The following SARDH variants were observed in gnomAD, a reference collection of about 807,000 sequenced individuals.
SARDH encodes the protein sarcosine dehydrogenase.
A neutral mutation model predicts 109.1 loss-of-function variants in SARDH; 95 were observed. The observed-to-expected ratio is 0.87, with a 90% confidence interval of 0.74 to 1.03. The LOEUF (loss-of-function observed/expected upper bound fraction) is 1.03, where lower values mean the gene tolerates loss of function less well. Among genes scored for constraint, SARDH ranks in the 50% least tolerant of loss-of-function variants. SARDH has a pLI of 0.00. For missense variants in SARDH, 1,267 were observed against 1,287.8 expected, an observed-to-expected ratio of 0.98 and a Z score of 0.25; for synonymous variants, 572 against 534.8, an observed-to-expected ratio of 1.07 and a Z score of -0.96.
At chr9:133,669,031 CACCT>C (rs1830221401) in intron 19 of SARDH, among the ~76,000 whole-genome samples, 1 of 7,188 alleles carries the variant, frequency 1.4e-4, no homozygotes. Flanking sequence ...CCCTCTCCCT[CACCT>C]TCCCTCTCCC....
In SARDH at chr9:133,696,330, G is replaced by A. The variant is rs752960619; in HGVS notation, c.1700C>T (p.Ala567Val). Residue 567 changes from alanine to valine, a missense_variant, in exon 14 of 21, where the codon GCC becomes GTC. Physicochemically the swap from Ala to Val is moderately conservative, Grantham distance 64. Transcript: ENST00000439388. The part of the protein sequence containing the change: ...IKKECLACRG[A>V]AAVFDMSYFG... The stretch of plus-strand genomic sequence containing the variant: ...GTAGGACATGTCAAACACAGCGGCG[G>A]CCCCTCTGCAGGCCAGGCACTCCTT... The A allele has an allele frequency of 1.9e-6, 3 of 1,614,144 alleles. No homozygotes were observed. The highest frequency in any genetic ancestry group is 2.5e-6 in the Non-Finnish European group (3 of 1,180,042).
chr9:133,703,148 C>T (rs912522161), intron 12 of SARDH, 119 bp from the exon 13 acceptor site: 1 of 845,764 alleles, frequency 1.2e-6, no homozygotes, highest in Non-Finnish European at 1.9e-6. Flanking sequence ...CTCGGAGAGC[C>T]CTGCACTGAG....
chr9:133,694,432 C>G, intron 14 of SARDH, 61 bp from the exon 15 acceptor site: 1 of 1,363,096 alleles, frequency 7.3e-7, no homozygotes, highest in African/African-American at 1.4e-5. Context: ...TGTGCTGCCT[C>G]AGTTTCCCCA....
chr9:133,694,648 C>T (rs1588413919), intron 14 of SARDH, among the ~76,000 whole-genome samples: 1 of 152,262 alleles, frequency 6.6e-6, no homozygotes, highest in South Asian at 2.1e-4. Flanking sequence ...TGCCTTGGCA[C>T]TGGCCCCTCC....
At chr9:133,689,696 C>T (rs1831022506) in intron 16 of SARDH, among the ~76,000 whole-genome samples, 1 of 152,032 alleles carries the variant, frequency 6.6e-6, no homozygotes, top group South Asian at 2.1e-4. Context: ...ACAGGTGCTC[C>T]ACTGGTGGCT....
intron 8 of SARDH, among the ~76,000 whole-genome samples, chr9:133,715,709 C>T (rs542256189): frequency 2.6e-5 from 4 of 152,284 alleles, no homozygotes; most frequent in Non-Finnish European, 4.4e-5. Flanking sequence ...CTGGGCTCCC[C>T]GCTTTGTGCC....
intron 13 of SARDH, among the ~76,000 whole-genome samples, chr9:133,699,711 G>A (rs1384065890): frequency 6.6e-6 from 1 of 152,148 alleles, no homozygotes; most frequent in Non-Finnish European, 1.5e-5. Context: ...GAATCAAAAA[G>A]TCAGATAATA....
At chr9:133,672,072 T>C (rs969110386) in intron 17 of SARDH, among the ~76,000 whole-genome samples, 1 of 152,182 alleles carries the variant, frequency 6.6e-6, no homozygotes, top group African/African-American at 2.4e-5. Flanking sequence ...AAAATCACCA[T>C]GTGGGCAAGC....
At chr9:133,731,261 G>T (rs1481538678) in intron 4 of SARDH, 44 bp downstream of exon 4, 1 of 1,605,404 alleles carries the variant, frequency 6.2e-7, no homozygotes, top group Non-Finnish European at 8.5e-7. Context: ...GGCAGGAGGA[G>T]TGGGCTGGGA....
Position 133,663,589 on chromosome 9 carries a change from TA to T in SARDH, c.*299del, listed in dbSNP as rs1829955009. 5 of 402,806 alleles carry T rather than the reference TA, an allele frequency of 1.2e-5. No individual in the cohort carries two copies. The highest frequency in any genetic ancestry group is 1.8e-5 in the Non-Finnish European group (4 of 224,256). The allele number at this position is 402,806 out of a possible 1,614,324, so 25.0% of individuals were successfully genotyped here. ...CACGTGGGGCTTATCAAGTATTTAC[TA>T]AGCACCTTCTAGAAGCTTGGAAAGG... On this transcript the variant is annotated 3_prime_UTR_variant, in exon 21 of 21. Coordinates refer to ENST00000439388, the MANE Select transcript of SARDH (RefSeq NM_001134707.2).
At position 133,725,314 on chromosome 9, in the gene SARDH, C is replaced by G. The variant is rs545300292; in HGVS notation, c.915+4451G>C. 10 of 206,306 alleles carry G rather than the reference C, an allele frequency of 4.8e-5. No individual in the cohort carries two copies. In the South Asian group the frequency reaches 6.6e-4, roughly 14 times the overall value. The allele number at this position is 206,306 out of a possible 1,614,324, so 12.8% of individuals were successfully genotyped here. ...TACAAAAGAAACTGAGCAGCTGGGA[C>G]AAAAACTGTTAATAACTCCAAGAAA... On this transcript the variant is annotated intron_variant, in intron 6 of 20. Coordinates refer to ENST00000439388, the MANE Select transcript of SARDH (RefSeq NM_001134707.2).
chr9:133,696,973 GAAAT>G (rs1474220669), intron 13 of SARDH, among the ~76,000 whole-genome samples: 2 of 152,032 alleles, frequency 1.3e-5, no homozygotes, highest in African/African-American at 4.8e-5. Context: ...TGTTAGAACA[GAAAT>G]AAGAATCGAA....
rs930319283 is a variant in SARDH, at chr9:133,671,695, G to C, written c.2166C>G (p.Val722=). 6.4e-7 allele frequency: 1 copy of C among 1,567,636 alleles called. No homozygotes were observed. Among genetic ancestry groups the C allele is most frequent in the South Asian group, 1.2e-5 (1 of 85,430 alleles). Residue 722 remains valine, a splice_region_variant and synonymous_variant, in exon 18 of 21, where the codon GTC becomes GTG. Transcript: ENST00000439388. ...CCACAAAGGACAGCCGCATGGCTCGGACCTGGGGGACAAGGTCATGGCTTA... is the reference window on the plus strand; with the variant it reads ...CCACAAAGGACAGCCGCATGGCTCGCACCTGGGGGACAAGGTCATGGCTTA... ...HKLLRAAGHL[V]RAMRLSFVGE...
At chr9:133,667,034 C>CTG in intron 19 of SARDH, 164 bp from the exon 20 acceptor site, 1 of 858,532 alleles carries the variant, frequency 1.2e-6, no homozygotes, top group Non-Finnish European at 1.8e-6. Context: ...AGAGCCAGCC[C>CTG]AGCACCTGGC....
intron 15 of SARDH, among the ~76,000 whole-genome samples, 157 bp downstream of exon 15, chr9:133,694,101 G>A (rs1267004613): frequency 6.6e-6 from 1 of 152,190 alleles, no homozygotes; most frequent in Non-Finnish European, 1.5e-5. Flanking sequence ...AGCCTGAAAC[G>A]AGACCTCTAA....
downstream of SARDH, among the ~76,000 whole-genome samples, chr9:133,662,036 T>C (rs533992593): frequency 1.3e-5 from 2 of 151,868 alleles, no homozygotes; most frequent in Admixed American, 6.6e-5. The surrounding 1 kb of genome is among the most constrained non-coding windows in gnomAD (Gnocchi z 5.1). Flanking sequence ...AGCCCGCAGG[T>C]GATGAGCTTG....
chr9:133,667,064 C>T (rs906466958), intron 19 of SARDH, 194 bp from the exon 20 acceptor site: 10 of 654,874 alleles, frequency 1.5e-5, no homozygotes, highest in African/African-American at 1.5e-4. Flanking sequence ...AGGGCTCGGG[C>T]TTCGAGTGAG....
intron 16 of SARDH, among the ~76,000 whole-genome samples, chr9:133,687,446 T>A (rs549155751): frequency 2.4e-4 from 36 of 151,968 alleles, no homozygotes; most frequent in African/African-American, 8.2e-4. Flanking sequence ...AATTGAAAAA[T>A]TTTTTTGTTG....
At chr9:133,720,692 A>G (rs188027385) in intron 6 of SARDH, among the ~76,000 whole-genome samples, 2 of 152,280 alleles carry the variant, frequency 1.3e-5, no homozygotes, top group East Asian at 3.9e-4. Flanking sequence ...TAAAACCATC[A>G]GATCTCCTGA....
Sources: gnomAD v4.1 joint callset for allele counts (sites outside exome capture counted in the v4.1 genomes callset) on GRCh38, gnomAD v4.1.1 for gene constraint, Gnocchi (gnomAD v3.1) non-coding constraint, MANE v1.5 for transcripts, NCBI Gene and HGNC (gene_info 2026-07-23, HGNC 2026-07-21) for gene names.